Variants in PCDHGB6 observed in about 807,000 individuals in gnomAD.
PCDHGB6 encodes the protein protocadherin gamma-B6.
PCDHGB6 carries 51 observed loss-of-function variants against 59.1 expected under a neutral mutation model. The ratio of observed to expected loss-of-function variants is 0.86; its 90% CI spans 0.69 to 1.09. The LOEUF (loss-of-function observed/expected upper bound fraction) is 1.09, where lower values mean the gene tolerates loss of function less well. Ranked by LOEUF, PCDHGB6 falls within the 50% of genes least tolerant of loss-of-function variation. The pLI is 0.00. For missense variants in PCDHGB6, 1,148 were observed against 1,205.1 expected (o/e 0.95, Z 0.70); for synonymous variants, 466 against 495.1 (o/e 0.94, Z 0.78).
chr5:141,503,777 G>A (rs2099830497), intron 2 of PCDHGB6, among the ~76,000 whole-genome samples: 1 of 152,074 alleles, frequency 6.6e-6, no homozygotes, highest in South Asian at 2.1e-4. Context: ...TCTGTTCTTA[G>A]GCTGAGTTCA....
intron 1 of PCDHGB6, chr5:141,418,417 T>G: frequency 6.2e-7 from 1 of 1,614,002 alleles, no homozygotes; most frequent in Non-Finnish European, 8.5e-7. Flanking sequence ...AAGACAATCC[T>G]GATGGTGGCA....
chr5:141,486,843 A>G lies in PCDHGB6; in HGVS notation c.2419-7964A>G, dbSNP rs1455684942. On this transcript the variant is annotated intron_variant, in intron 1 of 3. Coordinates refer to ENST00000520790, the MANE Select transcript of PCDHGB6 (RefSeq NM_018926.3). The surrounding 1 kb of genome is among the most constrained non-coding windows in gnomAD (Gnocchi z 5.0). ...GTAACAGTTCGTCTATTTGTGCTGG[A>G]CCTCAATGACAATGCTCCAGCTGTG... 6.2e-7 allele frequency: 1 copy of G among 1,614,214 alleles called. No homozygotes were observed. Among genetic ancestry groups the G allele is most frequent in the Admixed American group, 1.7e-5 (1 of 60,034 alleles).
At chr5:141,446,942 G>C (rs1252429052) in intron 1 of PCDHGB6, among the ~76,000 whole-genome samples, 1 of 152,058 alleles carries the variant, frequency 6.6e-6, no homozygotes, top group Non-Finnish European at 1.5e-5. Flanking sequence ...TTCACTGTAA[G>C]AAACATCCAG....
At chr5:141,415,185 C>T (rs375113497) in intron 1 of PCDHGB6, 2 of 1,613,978 alleles carry the variant, frequency 1.2e-6, no homozygotes, top group Non-Finnish European at 8.5e-7. Flanking sequence ...CCGTGGCCGA[C>T]AGCATCCCCC....
intron 1 of PCDHGB6, 138 bp from the exon 2 acceptor site, chr5:141,494,669 T>A: frequency 6.5e-7 from 1 of 1,527,472 alleles, no homozygotes; most frequent in South Asian, 1.2e-5. Context: ...TGGAGATGAG[T>A]CCACCCCTGC....
At chr5:141,478,045 T>C in intron 1 of PCDHGB6, 3 of 1,614,144 alleles carry the variant, frequency 1.9e-6, no homozygotes, top group East Asian at 2.2e-5. Flanking sequence ...CCAGGCAGAC[T>C]CTCACGGTCT....
rs372054375 is a variant in PCDHGB6, at chr5:141,490,825, A to T, written c.2419-3982A>T. 9 of 1,613,692 alleles carry T rather than the reference A, an allele frequency of 5.6e-6. No individual in the cohort carries two copies. The highest frequency in any genetic ancestry group is 3.3e-4 in the Middle Eastern group (2 of 6,062). On this transcript the variant is annotated intron_variant, in intron 1 of 3. Transcript: ENST00000520790. This position sits in a 1 kb window ranked among gnomAD's most constrained non-coding sequence, Gnocchi z 5.4. ...TACCTTTGACTATGAATTGCTGCAG[A>T]TGCTGCAGATTGTGGTGGGGGTTCG... is the stretch of plus-strand genomic sequence containing the variant.
intron 1 of PCDHGB6, among the ~76,000 whole-genome samples, chr5:141,472,178 A>G (rs1337942457): frequency 6.6e-6 from 1 of 152,210 alleles, no homozygotes; most frequent in African/African-American, 2.4e-5. Flanking sequence ...AATATCCAGT[A>G]TTGGAATTTG....
At chr5:141,413,195 G>T (rs771456948) in intron 1 of PCDHGB6, 1 of 1,610,846 alleles carries the variant, frequency 6.2e-7, no homozygotes, top group South Asian at 1.1e-5. Context: ...CAAAGGAATC[G>T]CTCAAAGGAA....
chr5:141,473,245 C>T (rs2099317733), intron 1 of PCDHGB6, among the ~76,000 whole-genome samples: 1 of 152,134 alleles, frequency 6.6e-6, no homozygotes, highest in African/African-American at 2.4e-5. Context: ...CAAGTGAATA[C>T]ATATATAGTC....
chr5:141,411,079 T>C (rs1178503371), intron 1 of PCDHGB6: 2 of 154,384 alleles, frequency 1.3e-5, no homozygotes, highest in African/African-American at 2.4e-5. Flanking sequence ...CAGAAACTCC[T>C]GTCCTCGTGA....
At chr5:141,472,745 G>A (rs931198460) in intron 1 of PCDHGB6, among the ~76,000 whole-genome samples, 4 of 152,038 alleles carry the variant, frequency 2.6e-5, no homozygotes, top group African/African-American at 9.7e-5. Flanking sequence ...CAGCACTTTG[G>A]GAGGCGGAGG....
rs1341289640 is a variant in PCDHGB6, at chr5:141,410,363, C to T, written c.2161C>T (p.Pro721Ser). The T allele has an allele frequency of 3.7e-6, 6 of 1,614,068 alleles. No homozygotes were observed. The highest frequency in any genetic ancestry group is 3.4e-6 in the Non-Finnish European group (4 of 1,179,914). Residue 721 changes from proline (P) to serine (S), a missense_variant, in exon 1 of 4, where the codon CCT becomes TCT. Pro to Ser is a moderately conservative substitution (Grantham distance 74, BLOSUM62 -1). Coordinates refer to ENST00000520790, the MANE Select transcript of PCDHGB6 (RefSeq NM_018926.3). The stretch of plus-strand genomic sequence containing the variant: ...CTTGCGCCTGCGACGCTCTCTCAGC[C>T]CTGCTACTTGGGACTGCTTCCATCC... ...IALRLRRSLS[P>S]ATWDCFHPGL...
chr5:141,479,813 T>G (rs543146395), intron 1 of PCDHGB6, among the ~76,000 whole-genome samples: 1 of 152,318 alleles, frequency 6.6e-6, no homozygotes, highest in South Asian at 2.1e-4. Flanking sequence ...TATGCAAGGA[T>G]ACTATCCAAG....
Position 141,432,403 on chromosome 5 carries a change from G to A in PCDHGB6, c.2418+21783G>A, listed in dbSNP as rs1279890312. The A allele has an allele frequency of 6.2e-7, 1 of 1,614,242 alleles. No homozygotes were observed. The highest frequency in any genetic ancestry group is 8.5e-7 in the Non-Finnish European group (1 of 1,180,052). On this transcript the variant is annotated intron_variant, in intron 1 of 3. Coordinates refer to ENST00000520790, the MANE Select transcript of PCDHGB6 (RefSeq NM_018926.3). The surrounding 1 kb of genome is among the most constrained non-coding windows in gnomAD (Gnocchi z 6.0). ...CGCCCCTCAGCAGCAACGTGTCGTT[G>A]AGCCTGTTCGTGCTGGACCAGAACG...
chr5:141,436,735 T>G (rs2097843412), intron 1 of PCDHGB6, among the ~76,000 whole-genome samples: 1 of 152,220 alleles, frequency 6.6e-6, no homozygotes, highest in Non-Finnish European at 1.5e-5. Context: ...AATAATGATT[T>G]TTGTGTGCTT....
chr5:141,415,048 G>C lies in PCDHGB6; in HGVS notation c.2418+4428G>C, dbSNP rs535976406. The C allele has an allele frequency of 5.0e-5, 80 of 1,613,320 alleles. 1 individual carries two copies. The Admixed American group carries it at 6.0e-4, about 12-fold the overall frequency. ...CGAGCCGGGACTCTTCGCGGTGGGG[G>C]AGCACACGGGCGAGGTGCGCACGGC... is the stretch of plus-strand genomic sequence containing the variant. On this transcript the variant is annotated intron_variant, in intron 1 of 3. Transcript: ENST00000520790.
intron 1 of PCDHGB6, among the ~76,000 whole-genome samples, chr5:141,454,796 ATTTTTTTTTTTTTT>A (rs61612330): frequency 5.2e-5 from 4 of 77,408 alleles, no homozygotes; most frequent in Non-Finnish European, 9.3e-5. Flanking sequence ...CATGGTTCTA[ATTTTTTTTTTTTTT>A]TTTTTTTTTT....
rs746318177 is a variant in PCDHGB6 at position 141,431,715 on chromosome 5, T to G, written c.2418+21095T>G. On this transcript the variant is annotated intron_variant, in intron 1 of 3. Coordinates refer to ENST00000520790, the MANE Select transcript of PCDHGB6 (RefSeq NM_018926.3). The surrounding 1 kb of genome is among the most constrained non-coding windows in gnomAD (Gnocchi z 4.8). Reference sequence around the variant, plus strand: ...GAGTCAGGATTCTACCAGATGGAAGTGCAAGCAATGGATAATGCAGGATAT... The same window carrying G: ...GAGTCAGGATTCTACCAGATGGAAGGGCAAGCAATGGATAATGCAGGATAT... 5.6e-6 allele frequency: 9 copies of G among 1,614,178 alleles called. No homozygotes were observed. The highest frequency in any genetic ancestry group is 6.8e-6 in the Non-Finnish European group (8 of 1,180,042).
Sources: gnomAD v4.1 joint callset for allele counts (sites outside exome capture counted in the v4.1 genomes callset) on GRCh38, gnomAD v4.1.1 for gene constraint, Gnocchi (gnomAD v3.1) non-coding constraint, MANE v1.5 for transcripts, NCBI Gene and HGNC (gene_info 2026-07-23, HGNC 2026-07-21) for gene names.